Variants in MOG observed in about 807,000 individuals in gnomAD.
The protein encoded by MOG is myelin oligodendrocyte glycoprotein, also known as myelin-oligodendrocyte glycoprotein.
In MOG, 20 loss-of-function variants were observed where a neutral mutation model predicts 35.9. The observed-to-expected ratio is 0.56, with a 90% CI of 0.39 to 0.81. The LOEUF is 0.81. Ranked by LOEUF, MOG falls within the 30% of genes least tolerant of loss-of-function variation. The probability of loss-of-function intolerance (pLI) is 0.00; values close to 1 mark genes in which losing one functional copy is unlikely to be tolerated. For missense variants in MOG, 251 were observed against 301.0 expected (o/e 0.83, Z 1.23); for synonymous variants, 92 against 114.3 (o/e 0.80, Z 1.25).
intron 2 of MOG, chr6:29,661,724 G>A (rs996659258): frequency 5.5e-6 from 5 of 906,878 alleles, no homozygotes; most frequent in African/African-American, 1.8e-5. Context: ...GCTGAGGCAG[G>A]AGAATCGCTT....
rs754059322 is a variant in MOG, at chr6:29,666,144, C to T, written c.437-8C>T. ...TGGACAATGTCAAATGTCAGTCCTGCCTTTCAGATCCTTTCTACTGGGTGA... is the reference window on the plus strand; with the variant it reads ...TGGACAATGTCAAATGTCAGTCCTGTCTTTCAGATCCTTTCTACTGGGTGA... On this transcript the variant is annotated splice_polypyrimidine_tract_variant and splice_region_variant and intron_variant, in intron 2 of 7. Transcript: ENST00000376917. 14 of 1,587,190 alleles carry T rather than the reference C, an allele frequency of 8.8e-6. No homozygotes were observed. The Admixed American group carries it at 2.0e-4, about 23-fold the overall frequency.
Position 29,662,559 on chromosome 6 carries a change from C to G in MOG, c.436+2893C>G, listed in dbSNP as rs1158309755. Among the ~76,000 whole-genome samples the G allele has an allele frequency of 3.9e-5, 6 of 152,146 alleles. No homozygotes were observed. Among genetic ancestry groups the G allele is most frequent in the Non-Finnish European group, 8.8e-5 (6 of 68,004 alleles). ...AAGTGCCTACCACCTTGCTGCAGCA[C>G]TTGTCAATCCAGGGACCACCCACCT... On this transcript the variant is annotated intron_variant, in intron 2 of 7. Coordinates refer to ENST00000376917, the MANE Select transcript of MOG (RefSeq NM_206809.4). This position sits in a 1 kb window ranked among gnomAD's most constrained non-coding sequence, Gnocchi z 4.2.
Position 29,662,106 on chromosome 6 carries a change from T to C in MOG, c.436+2440T>C. On this transcript the variant is annotated intron_variant, in intron 2 of 7. Coordinates refer to ENST00000376917, the MANE Select transcript of MOG (RefSeq NM_206809.4). The surrounding 1 kb of genome is among the most constrained non-coding windows in gnomAD (Gnocchi z 4.2). Reference sequence around the variant, plus strand: ...TTCTCTGAAGAGTTTCTAATTTCTCTTGTTTACTTATTTTTTTCTTGTCAT... The same window carrying C: ...TTCTCTGAAGAGTTTCTAATTTCTCCTGTTTACTTATTTTTTTCTTGTCAT... 1.0e-6 allele frequency: 1 copy of C among 985,246 alleles called. No homozygotes were observed. Among genetic ancestry groups the C allele is most frequent in the East Asian group, 1.1e-4 (1 of 8,814 alleles). 61.0% of individuals were successfully genotyped at this position (985,246 alleles called of 1,614,324 possible). A position where few individuals can be genotyped will look rare whatever the true frequency, so the allele number is the denominator to read the frequency against.
In MOG at chr6:29,662,134, TTG is replaced by T; in HGVS notation, c.436+2471_436+2472del. On this transcript the variant is annotated intron_variant, in intron 2 of 7. Transcript: ENST00000376917. This position sits in a 1 kb window ranked among gnomAD's most constrained non-coding sequence, Gnocchi z 4.2. ...TTTACTTATTTTTTTCTTGTCATTT[TTG>T]TGATTTTATTACTAGTTGTCTCTAA... The T allele has an allele frequency of 1.0e-6, 1 of 985,078 alleles. No homozygotes were observed. Among genetic ancestry groups the T allele is most frequent in the Non-Finnish European group, 1.2e-6 (1 of 829,598 alleles). 61.0% of individuals were successfully genotyped at this position (985,078 alleles called of 1,614,324 possible).
In MOG at chr6:29,670,024, C is replaced by T. The variant is rs1583161314; in HGVS notation, c.593-257C>T. 4.2e-6 allele frequency: 3 copies of T among 721,590 alleles called. No homozygotes were observed. Among genetic ancestry groups the T allele is most frequent in the African/African-American group, 1.7e-5 (1 of 57,310 alleles). The allele number at this position is 721,590 out of a possible 1,614,324, so 44.7% of individuals were successfully genotyped here. On this transcript the variant is annotated intron_variant, in intron 5 of 7. Transcript: ENST00000376917. This position sits in a 1 kb window ranked among gnomAD's most constrained non-coding sequence, Gnocchi z 4.2. ...GGCCTCATGATCCACCCGTCTCGGA[C>T]TCCCAGAGTGTTGGGATTACAGGCA...
chr6:29,663,881 TG>T (rs1388231133), intron 2 of MOG: 2 of 907,506 alleles, frequency 2.2e-6, no homozygotes, highest in Non-Finnish European at 2.6e-6. Context: ...CTTGAAGGAT[TG>T]TAATTATACC....
chr6:29,671,243 T>C lies in MOG; in HGVS notation c.*58T>C. On this transcript the variant is annotated 3_prime_UTR_variant, in exon 8 of 8. Transcript: ENST00000376917. ...GCCTGGTTGCCCAGGGATTTGTCCT[T>C]GGGGACATCTCATCCATCAAGTTGC... 1.2e-6 allele frequency: 2 copies of C among 1,612,430 alleles called. No homozygotes were observed. The highest frequency in any genetic ancestry group is 2.7e-5 in the African/African-American group (2 of 75,052).
Position 29,670,409 on chromosome 6 carries a change from G to C in MOG, c.709+12G>C. 6.2e-7 allele frequency: 1 copy of C among 1,612,936 alleles called. No individual in the cohort carries two copies. ...TCGAAGACTAGCAGGTGCAGTGGCTGGGCAGCAGGCAAGACCACCAAATAG... is the reference window on the plus strand; with the variant it reads ...TCGAAGACTAGCAGGTGCAGTGGCTCGGCAGCAGGCAAGACCACCAAATAG... On this transcript the variant is annotated intron_variant, in intron 6 of 7. Transcript: ENST00000376917. The surrounding 1 kb of genome is among the most constrained non-coding windows in gnomAD (Gnocchi z 4.2).
intron 2 of MOG, chr6:29,661,742 G>A (rs1352855498): frequency 1.7e-5 from 16 of 945,064 alleles, no homozygotes; most frequent in African/African-American, 9.0e-5. Context: ...CTTGAACCCC[G>A]GAGGCGGAGG....
rs1771416629 is a variant in MOG at position 29,671,336 on chromosome 6, G to A, written c.*151G>A. On this transcript the variant is annotated 3_prime_UTR_variant, in exon 8 of 8. Coordinates refer to ENST00000376917, the MANE Select transcript of MOG (RefSeq NM_206809.4). ...CTTTCAGGAACACTCTGAATTCCAA[G>A]TAGAATTGATTTCCCTTCTTCTGTC... The A allele has an allele frequency of 6.2e-7, 1 of 1,611,846 alleles. No homozygotes were observed. Among genetic ancestry groups the A allele is most frequent in the Non-Finnish European group, 8.5e-7 (1 of 1,179,764 alleles).
In MOG at chr6:29,671,672, A is replaced by C. The variant is rs1771482619; in HGVS notation, c.*487A>C. 3.3e-6 allele frequency: 2 copies of C among 608,028 alleles called. No individual in the cohort carries two copies. Among genetic ancestry groups the C allele is most frequent in the Non-Finnish European group, 5.8e-6 (2 of 342,630 alleles). The allele number at this position is 608,028 out of a possible 1,614,324, so 37.7% of individuals were successfully genotyped here. On this transcript the variant is annotated 3_prime_UTR_variant, in exon 8 of 8. Transcript: ENST00000376917. ...AGGAAGAGTGCAAAACATTGAAGAG[A>C]GAGCTGAGTGAGCTGAAGAGTGAGG...
At position 29,670,915 on chromosome 6, in the gene MOG, A is replaced by T. The variant is rs777769300; in HGVS notation, c.730+194A>T. ...AGCCAGCTGTTAGAGACACATTTAC[A>T]GGTGGCAGAGAAGCTGGAGGCACTC... is the stretch of plus-strand genomic sequence containing the variant. On this transcript the variant is annotated intron_variant, in intron 7 of 7. Transcript: ENST00000376917. The surrounding 1 kb of genome is among the most constrained non-coding windows in gnomAD (Gnocchi z 4.2). 18 of 1,608,116 alleles carry T rather than the reference A, an allele frequency of 1.1e-5. 1 individual carries two copies. The South Asian group carries it at 1.9e-4, about 17-fold the overall frequency.
intron 2 of MOG, among the ~76,000 whole-genome samples, chr6:29,660,438 G>A (rs1768325726): frequency 6.6e-6 from 1 of 150,522 alleles, no homozygotes; most frequent in African/African-American, 2.4e-5. Context: ...GGCTGAGGCA[G>A]GAGAATGGCG....
rs1451597852 is a variant in MOG at position 29,662,657 on chromosome 6, CT to C, written c.436+2999del. 4.0e-5 allele frequency among the ~76,000 whole-genome samples: 6 copies of C among 151,484 alleles called. No individual in the cohort carries two copies. Among genetic ancestry groups the C allele is most frequent in the Non-Finnish European group, 8.8e-5 (6 of 67,926 alleles). ...TAAATCCTAGGCAGCATGATCATTTCTTTTTTTTCTTTTTATTTATTTTGAG... is the reference window on the plus strand; with the variant it reads ...TAAATCCTAGGCAGCATGATCATTTCTTTTTTTCTTTTTATTTATTTTGAG... On this transcript the variant is annotated intron_variant, in intron 2 of 7. Transcript: ENST00000376917. The surrounding 1 kb of genome is among the most constrained non-coding windows in gnomAD (Gnocchi z 4.2).
chr6:29,657,686 T>G (rs3131853), intron 1 of MOG, among the ~76,000 whole-genome samples: 1 of 60,248 alleles, frequency 1.7e-5, no homozygotes, highest in Non-Finnish European at 3.6e-5. Flanking sequence ...TTTTTTTTTG[T>G]ATTTTAGTAC....
intron 2 of MOG, among the ~76,000 whole-genome samples, chr6:29,660,424 G>A (rs1208245190): frequency 1.3e-5 from 2 of 150,388 alleles, no homozygotes; most frequent in African/African-American, 2.4e-5. Flanking sequence ...CCAGCTACTC[G>A]GGAGGCTGAG....
rs551437905 is a variant in MOG, at chr6:29,664,210, A to ATTT, written c.437-1941_437-1939dup. 8.5e-4 allele frequency among the ~76,000 whole-genome samples: 124 copies of ATTT among 145,590 alleles called. 2 individuals are homozygous for ATTT. In the East Asian group the frequency reaches 0.022, roughly 26 times the overall value. ...TTTTTCTTTTTTCTTTTATTTATTT[A>ATTT]TTTATTTTTTTTTTGAGATGGAGTT... is the stretch of plus-strand genomic sequence containing the variant. On this transcript the variant is annotated intron_variant, in intron 2 of 7. Transcript: ENST00000376917.
intron 5 of MOG, among the ~76,000 whole-genome samples, chr6:29,669,691 A>G (rs772485527): frequency 6.6e-6 from 1 of 152,250 alleles, no homozygotes; most frequent in Non-Finnish European, 1.5e-5. Flanking sequence ...TTCCATTGGT[A>G]ATTAAGTCAC....
At position 29,671,477 on chromosome 6, in the gene MOG, C is replaced by A; in HGVS notation, c.*292C>A. ...GACAGGCAGGTGCCCCTCTCTCCAT[C>A]AGAGGACACCTGTACTGGAGAGCAA... On this transcript the variant is annotated 3_prime_UTR_variant, in exon 8 of 8. Coordinates refer to ENST00000376917, the MANE Select transcript of MOG (RefSeq NM_206809.4). 1 of 1,412,696 alleles carries A rather than the reference C, an allele frequency of 7.1e-7. No individual in the cohort carries two copies. The highest frequency in any genetic ancestry group is 1.0e-6 in the Non-Finnish European group (1 of 997,684). The allele number at this position is 1,412,696 out of a possible 1,614,324, so 87.5% of individuals were successfully genotyped here.
Sources: gnomAD v4.1 joint callset for allele counts (sites outside exome capture counted in the v4.1 genomes callset) on GRCh38, gnomAD v4.1.1 for gene constraint, Gnocchi (gnomAD v3.1) non-coding constraint, MANE v1.5 for transcripts, NCBI Gene and HGNC (gene_info 2026-07-23, HGNC 2026-07-21) for gene names.